DAB1: variants seen among roughly 807,000 people sequenced by gnomAD.
The protein encoded by DAB1 is DAB adaptor protein 1, also known as disabled homolog 1.
In DAB1, 15 loss-of-function variants were observed where a neutral mutation model predicts 64.6. The observed-to-expected ratio is 0.23, with a 90% CI of 0.16 to 0.36. DAB1 has a LOEUF of 0.36. Ranked by LOEUF, DAB1 falls within the 10% of genes least tolerant of loss-of-function variation. The pLI, the probability that DAB1 is intolerant of heterozygous loss-of-function variation, is 1.00. For missense variants in DAB1, 596 were observed against 706.7 expected (o/e 0.84, Z 1.78); for synonymous variants, 235 against 251.9 (o/e 0.93, Z 0.64).
At chr1:58,111,154 G>T (rs1651944805) in intron 5 of DAB1, among the ~76,000 whole-genome samples, 1 of 152,154 alleles carries the variant, frequency 6.6e-6, no homozygotes, top group South Asian at 2.1e-4. Flanking sequence ...TGGCACCCTA[G>T]CGTAGGAGAA....
At chr1:58,209,353 C>G (rs1480774426) in intron 4 of DAB1, among the ~76,000 whole-genome samples, 2 of 152,200 alleles carry the variant, frequency 1.3e-5, no homozygotes, top group Non-Finnish European at 2.9e-5. Context: ...ACAAACTGAG[C>G]TGAGAACTAA....
In DAB1 at chr1:58,119,161, T is replaced by C. The variant is rs56740065; in HGVS notation, n.387+31350A>G. On this transcript the variant is annotated intron_variant and non_coding_transcript_variant, in intron 5 of 20. Transcript: ENST00000485760. ...AGCAAGCATTGAACAAATATTTATCTGCAATCTCTTGTCTGAATTATAAAA... is the reference window on the plus strand; with the variant it reads ...AGCAAGCATTGAACAAATATTTATCCGCAATCTCTTGTCTGAATTATAAAA... 4.8e-3 allele frequency among the ~76,000 whole-genome samples: 731 copies of C among 152,278 alleles called. 5 individuals are homozygous for C. The highest frequency in any genetic ancestry group is 0.017 in the African/African-American group (702 of 41,562).
At chr1:58,116,032 AT>A (rs1156300572) in intron 5 of DAB1, among the ~76,000 whole-genome samples, 3 of 149,756 alleles carry the variant, frequency 2.0e-5, no homozygotes, top group Admixed American at 6.6e-5. Flanking sequence ...TACAAAAAAA[AT>A]AAAAATAAAA....
chr1:57,244,430 G>A (rs766790818), intron 2 of DAB1, among the ~76,000 whole-genome samples: 1 of 152,198 alleles, frequency 6.6e-6, no homozygotes, highest in Non-Finnish European at 1.5e-5. Context: ...ATTGAGTAAT[G>A]AGTCTTTATT....
chr1:57,564,029 G>A (rs1645086345), intron 7 of DAB1, among the ~76,000 whole-genome samples: 1 of 152,194 alleles, frequency 6.6e-6, no homozygotes, highest in Admixed American at 6.5e-5. Context: ...CAAACTGGGA[G>A]GCACCCCCAG....
intron 1 of DAB1, among the ~76,000 whole-genome samples, chr1:57,324,988 CT>C (rs1328479279): frequency 1.3e-5 from 2 of 152,236 alleles, no homozygotes; most frequent in Non-Finnish European, 2.9e-5. Flanking sequence ...CTTTGATGCC[CT>C]GCACAGAGCA....
chr1:57,123,132 T>C (rs892861362), intron 4 of DAB1, among the ~76,000 whole-genome samples: 2 of 152,166 alleles, frequency 1.3e-5, no homozygotes, highest in African/African-American at 2.4e-5. Context: ...CTTGGTGACA[T>C]TTATGCATAC....
At chr1:57,129,534 T>A (rs1428984216) in intron 4 of DAB1, among the ~76,000 whole-genome samples, 4 of 151,982 alleles carry the variant, frequency 2.6e-5, no homozygotes, top group Non-Finnish European at 2.9e-5. Context: ...AGAAAAGAAA[T>A]GCAAAATTAA....
At chr1:57,626,914 T>C (rs548536627) in intron 7 of DAB1, among the ~76,000 whole-genome samples, 24 of 152,316 alleles carry the variant, frequency 1.6e-4, no homozygotes, top group Admixed American at 1.1e-3. Flanking sequence ...GGGGGAAACA[T>C]CAACTTTCAG....
chr1:58,476,527 C>T (rs1645420776), intron 3 of DAB1, among the ~76,000 whole-genome samples: 1 of 152,100 alleles, frequency 6.6e-6, no homozygotes, highest in African/African-American at 2.4e-5. Flanking sequence ...AGCCACTGGC[C>T]TAACTTTTCT....
chr1:58,471,620 G>T (rs1645359571), intron 3 of DAB1, among the ~76,000 whole-genome samples: 1 of 152,092 alleles, frequency 6.6e-6, no homozygotes, highest in South Asian at 2.1e-4. Flanking sequence ...TTTGGAGGTG[G>T]GGCCCAGTGA....
intron 5 of DAB1, among the ~76,000 whole-genome samples, chr1:58,058,087 G>C (rs991885519): frequency 2.6e-5 from 4 of 152,012 alleles, no homozygotes; most frequent in African/African-American, 9.7e-5. Context: ...TGCACTGTAG[G>C]ATTTGTGAGA....
At chr1:58,472,191 G>C (rs1313625104) in intron 3 of DAB1, among the ~76,000 whole-genome samples, 1 of 152,108 alleles carries the variant, frequency 6.6e-6, no homozygotes, top group Non-Finnish European at 1.5e-5. Flanking sequence ...GGAAGAAAAA[G>C]ACACCCTAGG....
intron 3 of DAB1, among the ~76,000 whole-genome samples, chr1:58,350,613 TC>T (rs1268983514): frequency 2.6e-5 from 4 of 152,228 alleles, no homozygotes; most frequent in Non-Finnish European, 5.9e-5. Context: ...AAGTCTTTAA[TC>T]CATCTCGAGT....
chr1:57,971,550 G>A (rs1321861801), intron 5 of DAB1, among the ~76,000 whole-genome samples: 1 of 152,206 alleles, frequency 6.6e-6, no homozygotes, highest in Non-Finnish European at 1.5e-5. Flanking sequence ...AACTCTTTGA[G>A]TCTCAGTTAA....
chr1:58,094,375 G>A (rs1422393158), intron 5 of DAB1, among the ~76,000 whole-genome samples: 1 of 152,202 alleles, frequency 6.6e-6, no homozygotes, highest in Non-Finnish European at 1.5e-5. Flanking sequence ...GGTAGGCACT[G>A]AGCCAAGTTT....
intron 7 of DAB1, among the ~76,000 whole-genome samples, chr1:57,586,399 C>G (rs796261487): frequency 8.5e-5 from 13 of 152,312 alleles, no homozygotes; most frequent in African/African-American, 3.1e-4. Flanking sequence ...CTCCACTGTT[C>G]TGGACTCTGA....
intron 6 of DAB1, among the ~76,000 whole-genome samples, chr1:57,745,688 A>T (rs1648230039): frequency 6.6e-6 from 1 of 152,218 alleles, no homozygotes; most frequent in Non-Finnish European, 1.5e-5. Flanking sequence ...ACATTCCCGA[A>T]TCAACTGCCA....
intron 5 of DAB1, among the ~76,000 whole-genome samples, chr1:58,106,482 C>G (rs76224603): frequency 1.1e-3 from 163 of 152,304 alleles, no homozygotes; most frequent in African/African-American, 3.8e-3. Context: ...TTGTGCCTGT[C>G]CAGTGGTTTC....
Sources: allele counts gnomAD v4.1 joint callset (sites outside exome capture counted in the v4.1 genomes callset), GRCh38; gene constraint gnomAD v4.1.1; transcripts MANE v1.5; gene names NCBI Gene and HGNC (gene_info 2026-07-23, HGNC 2026-07-21).